APPBP2: variants seen among roughly 807,000 people sequenced by gnomAD.
The protein encoded by APPBP2 is amyloid protein-binding protein 2.
A neutral mutation model predicts 76.0 loss-of-function variants in APPBP2; 15 were observed. The ratio of observed to expected loss-of-function variants is 0.20; its 90% CI spans 0.13 to 0.30. The LOEUF is 0.30. Among genes scored for constraint, APPBP2 ranks in the 10% least tolerant of loss-of-function variants. APPBP2 has a pLI of 1.00. For synonymous variants in APPBP2, 222 were observed against 242.2 expected (o/e 0.92, Z 0.77); for missense variants, 401 against 687.2 (o/e 0.58, Z 4.66).
At chr17:60,516,848 G>A (rs974932116) in intron 1 of APPBP2, among the ~76,000 whole-genome samples, 1 of 152,124 alleles carries the variant, frequency 6.6e-6, no homozygotes, top group Admixed American at 6.6e-5. Flanking sequence ...CATTTTCATT[G>A]AGTCACTGTG....
chr17:60,488,226 C>T (rs1252107036), intron 3 of APPBP2, among the ~76,000 whole-genome samples: 1 of 152,184 alleles, frequency 6.6e-6, no homozygotes, highest in Non-Finnish European at 1.5e-5. Flanking sequence ...AAACTCCGTG[C>T]TGGGAGAATC....
At chr17:60,479,040 T>C in intron 4 of APPBP2, 108 bp downstream of exon 4, 1 of 1,083,998 alleles carries the variant, frequency 9.2e-7, no homozygotes, top group Non-Finnish European at 1.3e-6. Context: ...CATATAAATA[T>C]CATCTCAGAG....
chr17:60,494,675 A>G (rs993840979), intron 2 of APPBP2, 58 bp from the exon 3 acceptor site: 3 of 1,412,036 alleles, frequency 2.1e-6, no homozygotes, highest in Non-Finnish European at 2.8e-6. Context: ...CCTTTTAGAA[A>G]GTGCTAACTG....
intron 3 of APPBP2, among the ~76,000 whole-genome samples, chr17:60,487,096 AC>A (rs2090685736): frequency 6.6e-6 from 1 of 152,094 alleles, no homozygotes; most frequent in Admixed American, 6.6e-5. Flanking sequence ...TTTGTGGGTA[AC>A]CTGACCTTTC....
intron 10 of APPBP2, among the ~76,000 whole-genome samples, chr17:60,454,912 C>T (rs1440623192): frequency 1.3e-5 from 2 of 152,132 alleles, no homozygotes; most frequent in South Asian, 2.1e-4. Flanking sequence ...TAACCAAACA[C>T]GGCTAAAAGA....
chr17:60,495,466 A>ATTTAT (rs1204730140), intron 2 of APPBP2, among the ~76,000 whole-genome samples: 3 of 148,092 alleles, frequency 2.0e-5, no homozygotes, highest in Non-Finnish European at 4.5e-5. Flanking sequence ...TTATTTATTT[A>ATTTAT]TTTATTTATT....
rs1260774285 is a variant in APPBP2 at position 60,464,010 on chromosome 17, A to G, written c.762+11T>C. On this transcript the variant is annotated intron_variant, in intron 6 of 12. Transcript: ENST00000083182. ...CTATAATTCATTTAATAATTTTAAC[A>G]TTATATTTACCTTAGAAGCTTGTCT... 1 of 1,550,618 alleles carries G rather than the reference A, an allele frequency of 6.4e-7. No individual in the cohort carries two copies. The highest frequency in any genetic ancestry group is 8.8e-7 in the Non-Finnish European group (1 of 1,138,426).
At chr17:60,473,478 T>C (rs572863462) in intron 4 of APPBP2, among the ~76,000 whole-genome samples, 1 of 152,306 alleles carries the variant, frequency 6.6e-6, no homozygotes, top group East Asian at 1.9e-4. Flanking sequence ...AACTCATATA[T>C]ATCAAGTTTT....
At position 60,450,422 on chromosome 17, in the gene APPBP2, A is replaced by T. The variant is rs556876677; in HGVS notation, c.1504+1458T>A. Among the ~76,000 whole-genome samples the T allele has an allele frequency of 1.3e-4, 19 of 148,216 alleles. No homozygotes were observed. The South Asian group carries it at 4.0e-3, about 31-fold the overall frequency. Reference sequence around the variant, plus strand: ...CACTGCACTCTAGCCTGGGTGACAGAGCGAGACTCCCTCTCAAAAAAAAAA... The same window carrying T: ...CACTGCACTCTAGCCTGGGTGACAGTGCGAGACTCCCTCTCAAAAAAAAAA... On this transcript the variant is annotated intron_variant, in intron 12 of 12. Transcript: ENST00000083182.
At chr17:60,463,660 G>C (rs369686211) in intron 6 of APPBP2, among the ~76,000 whole-genome samples, 1 of 152,252 alleles carries the variant, frequency 6.6e-6, no homozygotes, top group African/African-American at 2.4e-5. Flanking sequence ...AGTGACCAAA[G>C]TTCACAGGAT....
chr17:60,461,695 G>A, intron 8 of APPBP2, 115 bp downstream of exon 8: 1 of 679,958 alleles, frequency 1.5e-6, no homozygotes, highest in Non-Finnish European at 2.6e-6. Context: ...AACCTATATT[G>A]GTGGGCGGGG....
chr17:60,495,652 T>G (rs1286973637), intron 2 of APPBP2, among the ~76,000 whole-genome samples: 1 of 151,870 alleles, frequency 6.6e-6, no homozygotes, highest in East Asian at 1.9e-4. Context: ...TTTTTTGAAG[T>G]GTTGTCATGA....
chr17:60,463,434 T>G (rs1203631518), intron 6 of APPBP2, among the ~76,000 whole-genome samples: 1 of 152,086 alleles, frequency 6.6e-6, no homozygotes, highest in Non-Finnish European at 1.5e-5. Context: ...TGAGTCCAGG[T>G]GTTTGAGACC....
chr17:60,458,802 G>C (rs1034607231), intron 9 of APPBP2, among the ~76,000 whole-genome samples: 1 of 149,620 alleles, frequency 6.7e-6, no homozygotes, highest in Non-Finnish European at 1.5e-5. Flanking sequence ...TTGAGACGGA[G>C]TCTCGTTCTG....
intron 3 of APPBP2, among the ~76,000 whole-genome samples, chr17:60,485,577 T>C (rs2090668577): frequency 6.6e-6 from 1 of 152,180 alleles, no homozygotes; most frequent in Admixed American, 6.5e-5. Context: ...ATTGCATCTA[T>C]TTGATTCTTC....
At chr17:60,494,388 C>T in intron 3 of APPBP2, 78 bp downstream of exon 3, 2 of 1,522,258 alleles carry the variant, frequency 1.3e-6, no homozygotes, top group Non-Finnish European at 1.8e-6. Flanking sequence ...TTGGGAAAGC[C>T]CTGGAAGAAT....
intron 3 of APPBP2, among the ~76,000 whole-genome samples, chr17:60,480,173 G>C (rs2090618499): frequency 6.6e-6 from 1 of 152,128 alleles, no homozygotes; most frequent in Admixed American, 6.5e-5. Context: ...AATTATCTGA[G>C]ACCAGCCTGG....
At chr17:60,483,557 CTAT>C (rs2090648372) in intron 3 of APPBP2, among the ~76,000 whole-genome samples, 1 of 152,096 alleles carries the variant, frequency 6.6e-6, no homozygotes, top group Non-Finnish European at 1.5e-5. Flanking sequence ...CCACACCTGG[CTAT>C]TTTTTTGTAT....
chr17:60,474,953 G>A (rs2090578600), intron 4 of APPBP2, among the ~76,000 whole-genome samples: 1 of 152,066 alleles, frequency 6.6e-6, no homozygotes, highest in South Asian at 2.1e-4. Context: ...ATAGAGGCCA[G>A]GTGCAGTGGC....
Sources: allele counts gnomAD v4.1 joint callset (sites outside exome capture counted in the v4.1 genomes callset), GRCh38; gene constraint gnomAD v4.1.1; transcripts MANE v1.5; gene names NCBI Gene and HGNC (gene_info 2026-07-23, HGNC 2026-07-21).